The following CCDC169 variants were observed in gnomAD, a reference collection of about 807,000 sequenced individuals.
The protein encoded by CCDC169 is coiled-coil domain containing 169, also known as coiled-coil domain-containing protein 169.
CCDC169 carries 30 observed loss-of-function variants against 36.0 expected under a neutral mutation model. The observed-to-expected ratio is 0.83, with a 90% CI of 0.62 to 1.13. The LOEUF (loss-of-function observed/expected upper bound fraction) is 1.13, where lower values mean the gene tolerates loss of function less well. Among genes scored for constraint, CCDC169 ranks in the 50% most tolerant of loss-of-function variants. The pLI is 0.00. For synonymous variants in CCDC169, 85 were observed against 81.5 expected, an observed-to-expected ratio of 1.04 and a Z score of -0.23; for missense variants, 245 against 245.9, an observed-to-expected ratio of 1.00 and a Z score of 0.03.
chr13:36,278,160 T>A lies in CCDC169; in HGVS notation c.315+5309A>T, dbSNP rs867898186. Among the ~76,000 whole-genome samples, 4 of 152,286 alleles carry A rather than the reference T, an allele frequency of 2.6e-5. No individual in the cohort carries two copies. In the South Asian group the frequency reaches 8.3e-4, roughly 32 times the overall value. Reference sequence around the variant, plus strand: ...TTAATAAAATAGTACTTTTCCTTTATCAAGGGAAAACAGAACAGGAACTAA... The same window carrying A: ...TTAATAAAATAGTACTTTTCCTTTAACAAGGGAAAACAGAACAGGAACTAA... On this transcript the variant is annotated intron_variant, in intron 4 of 7. Transcript: ENST00000239859.
At chr13:36,263,314 A>AG (rs1874834438) in intron 4 of CCDC169, among the ~76,000 whole-genome samples, 1 of 152,238 alleles carries the variant, frequency 6.6e-6, no homozygotes, top group Non-Finnish European at 1.5e-5. Context: ...TGCAAATTAA[A>AG]GGGAAAAAAT....
intron 4 of CCDC169, chr13:36,282,378 T>C: frequency 1.0e-6 from 1 of 985,386 alleles, no homozygotes; most frequent in Non-Finnish European, 1.2e-6. Context: ...AGAGGGTCTC[T>C]TGACTGGATA....
intron 2 of CCDC169, among the ~76,000 whole-genome samples, chr13:36,288,065 G>A (rs1301788641): frequency 6.6e-6 from 1 of 151,782 alleles, no homozygotes; most frequent in African/African-American, 2.4e-5. Flanking sequence ...CTAGAGTGCA[G>A]TGGCGCAATC....
Position 36,270,410 on chromosome 13 carries a change from G to GA in CCDC169, c.315+13058dup, listed in dbSNP as rs900644017. 6.6e-3 allele frequency among the ~76,000 whole-genome samples: 1,002 copies of GA among 150,878 alleles called. 5 individuals are homozygous for GA. Among genetic ancestry groups the GA allele is most frequent in the African/African-American group, 0.022 (907 of 41,140 alleles). ...ACCAACATCATTTTTCACGGAATTA[G>GA]AAAAAAAAATCCTAAAATTCATATT... is the stretch of plus-strand genomic sequence containing the variant. On this transcript the variant is annotated intron_variant, in intron 4 of 7. Coordinates refer to ENST00000239859, the MANE Select transcript of CCDC169 (RefSeq NM_001144981.3).
Position 36,254,100 on chromosome 13 carries a change from T to C in CCDC169, c.359A>G (p.Lys120Arg), listed in dbSNP as rs9546897. 0.46 allele frequency: 712,409 copies of C among 1,540,882 alleles called. 167,921 individuals are homozygous for C. Among genetic ancestry groups the C allele is most frequent in the Non-Finnish European group, 0.48 (551,327 of 1,141,160 alleles). ...TLLKQLEEEKKTLESQVKYYA... is the reference protein window; with the variant it reads ...TLLKQLEEEKRTLESQVKYYA... ...GTATTTCACTTGACTTTCAAGAGTC[T>C]TCTTTTCTTCTTCTAGCTGTTTAAG... is the stretch of plus-strand genomic sequence containing the variant. Residue 120 changes from lysine (K) to arginine (R), a missense_variant, in exon 5 of 8, where the codon AAG becomes AGG. Coordinates refer to ENST00000239859, the MANE Select transcript of CCDC169 (RefSeq NM_001144981.3).
At chr13:36,225,209 CTTTTTTT>C (rs35290959), downstream of CCDC169, 1 of 149,094 alleles carries the variant, frequency 6.7e-6, no homozygotes, top group Non-Finnish European at 1.5e-5. Flanking sequence ...CTAGGAAACA[CTTTTTTT>C]TTTTTTGAGA....
At chr13:36,255,758 G>C (rs1873787690) in intron 4 of CCDC169, among the ~76,000 whole-genome samples, 1 of 151,586 alleles carries the variant, frequency 6.6e-6, no homozygotes, top group African/African-American at 2.4e-5. Context: ...ATTGCATTCT[G>C]CTTCTCCAAC....
At chr13:36,285,127 A>ATTTT (rs1195034467) in intron 2 of CCDC169, among the ~76,000 whole-genome samples, 2 of 152,254 alleles carry the variant, frequency 1.3e-5, no homozygotes, top group African/African-American at 4.8e-5. Context: ...GCAAGATGAG[A>ATTTT]ATGGTTACCA....
downstream of CCDC169, among the ~76,000 whole-genome samples, chr13:36,228,955 T>G (rs1431596905): frequency 6.6e-6 from 1 of 152,242 alleles, no homozygotes; most frequent in East Asian, 1.9e-4. Flanking sequence ...ATTGCTTCTT[T>G]GCACTGACTG....
At chr13:36,249,775 G>A (rs1018002903) in intron 6 of CCDC169, among the ~76,000 whole-genome samples, 12 of 152,138 alleles carry the variant, frequency 7.9e-5, no homozygotes, top group African/African-American at 2.9e-4. Context: ...GATAAGACTG[G>A]GGAAGAGGTT....
downstream of CCDC169, chr13:36,223,761 A>T (rs1869729063): frequency 6.6e-6 from 1 of 152,142 alleles, no homozygotes; most frequent in African/African-American, 2.4e-5. Context: ...CTATAACTCA[A>T]TTACCTAATT....
intron 6 of CCDC169, among the ~76,000 whole-genome samples, chr13:36,252,868 TAAGA>T (rs1873343252): frequency 6.6e-6 from 1 of 152,176 alleles, no homozygotes; most frequent in Admixed American, 6.5e-5. Context: ...TATGCCAAAA[TAAGA>T]TTAATATTGA....
At chr13:36,248,152 T>C (rs937478261) in intron 7 of CCDC169, among the ~76,000 whole-genome samples, 4 of 152,184 alleles carry the variant, frequency 2.6e-5, no homozygotes, top group African/African-American at 9.6e-5. Flanking sequence ...CATAATGCTA[T>C]TGCATACTTA....
At chr13:36,243,581 C>T (rs568773107) in intron 7 of CCDC169, among the ~76,000 whole-genome samples, 14 of 150,316 alleles carry the variant, frequency 9.3e-5, no homozygotes, top group East Asian at 4.0e-4. Flanking sequence ...CCAAGGCAGG[C>T]GGATCACCTG....
Position 36,295,874 on chromosome 13 carries a change from T to A in CCDC169, c.84-17A>T. On this transcript the variant is annotated splice_polypyrimidine_tract_variant and intron_variant, in intron 1 of 7. Coordinates refer to ENST00000239859, the MANE Select transcript of CCDC169 (RefSeq NM_001144981.3). ...ACTGCATCCCTGTTATTTAAAATAT[T>A]TTTGTTGATTATAATTCAATTAAAA... 1 of 1,416,538 alleles carries A rather than the reference T, an allele frequency of 7.1e-7. No homozygotes were observed. The highest frequency in any genetic ancestry group is 9.7e-7 in the Non-Finnish European group (1 of 1,035,048). The allele number at this position is 1,416,538 out of a possible 1,614,324, so 87.7% of individuals were successfully genotyped here.
chr13:36,228,703 A>G (rs1242436310), downstream of CCDC169, among the ~76,000 whole-genome samples: 1 of 152,052 alleles, frequency 6.6e-6, no homozygotes, highest in Non-Finnish European at 1.5e-5. Flanking sequence ...GGCACGTGTC[A>G]CCACAACTGG....
intron 4 of CCDC169, among the ~76,000 whole-genome samples, chr13:36,266,268 G>A (rs896861883): frequency 6.6e-6 from 1 of 152,100 alleles, no homozygotes; most frequent in Non-Finnish European, 1.5e-5. Flanking sequence ...GGAGGAGGTG[G>A]GTGCAGCTCC....
At chr13:36,248,803 G>A in intron 6 of CCDC169, 121 bp from the exon 7 acceptor site, 4 of 830,908 alleles carry the variant, frequency 4.8e-6, no homozygotes, top group Middle Eastern at 6.2e-4. Context: ...ATGTGTAAGA[G>A]AAGCTGAGAA....
chr13:36,282,138 A>T (rs557641358), intron 4 of CCDC169, among the ~76,000 whole-genome samples: 1 of 152,076 alleles, frequency 6.6e-6, no homozygotes, highest in East Asian at 1.9e-4. Context: ...GTCTGTACAG[A>T]TTACTCCTAA....
Sources: allele counts gnomAD v4.1 joint callset (sites outside exome capture counted in the v4.1 genomes callset), GRCh38; gene constraint gnomAD v4.1.1; transcripts MANE v1.5; gene names NCBI Gene and HGNC (gene_info 2026-07-23, HGNC 2026-07-21).